WWOX: variants seen among roughly 807,000 people sequenced by gnomAD.
WWOX encodes the protein WW domain containing oxidoreductase.
In WWOX, 69 loss-of-function variants were observed where a neutral mutation model predicts 46.2. The ratio of observed to expected loss-of-function variants is 1.49; its 90% confidence interval spans 1.23 to 1.82. The LOEUF (loss-of-function observed/expected upper bound fraction) is 1.82, where lower values mean the gene tolerates loss of function less well. Among genes scored for constraint, WWOX ranks in the 40% most tolerant of loss-of-function variants. The pLI, the probability that WWOX is intolerant of heterozygous loss-of-function variation, is 0.00. For missense variants in WWOX, 919 were observed against 542.6 expected (o/e 1.69, Z -6.89); for synonymous variants, 359 against 202.6 (o/e 1.77, Z -6.56).
At chr16:78,610,227 C>T (rs2045868108) in intron 8 of WWOX, among the ~76,000 whole-genome samples, 1 of 152,100 alleles carries the variant, frequency 6.6e-6, no homozygotes, top group African/African-American at 2.4e-5. Flanking sequence ...GATAAAGATC[C>T]CTTTTACCCT....
chr16:78,601,349 C>A (rs1035071713), intron 8 of WWOX, among the ~76,000 whole-genome samples: 4 of 151,726 alleles, frequency 2.6e-5, no homozygotes, highest in African/African-American at 7.3e-5. Flanking sequence ...GACACTCAGG[C>A]TTAGCTCTAG....
chr16:78,739,653 A>G (rs977823241), intron 8 of WWOX, among the ~76,000 whole-genome samples: 1 of 152,070 alleles, frequency 6.6e-6, no homozygotes, highest in Non-Finnish European at 1.5e-5. Flanking sequence ...TCTACTGAAA[A>G]CACAAAAATT....
chr16:78,715,723 C>T (rs1272230336), intron 8 of WWOX, among the ~76,000 whole-genome samples: 1 of 152,158 alleles, frequency 6.6e-6, no homozygotes, highest in Non-Finnish European at 1.5e-5. Context: ...GTGGTCTATC[C>T]ACCTTGGCCT....
chr16:78,139,443 A>G (rs1010963096), intron 4 of WWOX, among the ~76,000 whole-genome samples: 3 of 152,224 alleles, frequency 2.0e-5, no homozygotes, highest in African/African-American at 7.2e-5. Flanking sequence ...CAAGGGTTCA[A>G]GACCAGCCTG....
intron 6 of WWOX, among the ~76,000 whole-genome samples, chr16:78,392,394 C>G (rs1180354488): frequency 2.0e-5 from 3 of 152,034 alleles, no homozygotes; most frequent in Admixed American, 1.3e-4. Context: ...AAAACAAGCT[C>G]AGGGCTCCCA....
intron 8 of WWOX, among the ~76,000 whole-genome samples, chr16:78,747,937 A>G (rs2049386559): frequency 6.6e-6 from 1 of 152,176 alleles, no homozygotes; most frequent in African/African-American, 2.4e-5. Flanking sequence ...TAGACTCAGC[A>G]TCCTGCAGCC....
chr16:78,895,114 A>G (rs1015720797), intron 8 of WWOX, among the ~76,000 whole-genome samples: 1 of 152,302 alleles, frequency 6.6e-6, no homozygotes, highest in South Asian at 2.1e-4. Flanking sequence ...GAGGGCAGTT[A>G]TTAGGCATAT....
rs565234547 is a variant in WWOX at position 78,484,332 on chromosome 16, A to AT, written c.1056+51589dup. ...TCATCTAAGACCCTTTTGTTCACAG[A>AT]TTTTTTTTTCCAAGTATACCTATTC... is the stretch of plus-strand genomic sequence containing the variant. On this transcript the variant is annotated intron_variant, in intron 8 of 8. Transcript: ENST00000566780. Among the ~76,000 whole-genome samples the AT allele has an allele frequency of 3.5e-3, 526 of 151,768 alleles. 3 individuals are homozygous for AT. The highest frequency in any genetic ancestry group is 5.6e-3 in the Non-Finnish European group (380 of 67,878).
At chr16:78,217,365 C>A (rs1291841198) in intron 5 of WWOX, among the ~76,000 whole-genome samples, 2 of 152,188 alleles carry the variant, frequency 1.3e-5, no homozygotes, top group East Asian at 3.9e-4. Context: ...TATATAGGTA[C>A]AACTCTGGTG....
chr16:78,554,460 T>C (rs16948075), intron 8 of WWOX, among the ~76,000 whole-genome samples: 2 of 152,310 alleles, frequency 1.3e-5, no homozygotes, highest in African/African-American at 4.8e-5. Flanking sequence ...AAAACAGTTC[T>C]GGCTGATGGG....
chr16:78,115,386 G>A (rs1365235436), intron 4 of WWOX, among the ~76,000 whole-genome samples: 1 of 152,174 alleles, frequency 6.6e-6, no homozygotes, highest in Admixed American at 6.5e-5. Flanking sequence ...GCAAAAGACT[G>A]TGGCTATTTT....
intron 4 of WWOX, among the ~76,000 whole-genome samples, chr16:78,154,093 G>C (rs573975136): frequency 6.6e-6 from 1 of 152,158 alleles, no homozygotes; most frequent in East Asian, 1.9e-4. Flanking sequence ...TGTGTTCCCT[G>C]TCTGGGTAAA....
At chr16:78,686,369 G>T (rs1451702819) in intron 8 of WWOX, among the ~76,000 whole-genome samples, 1 of 152,154 alleles carries the variant, frequency 6.6e-6, no homozygotes, top group East Asian at 1.9e-4. Context: ...AAATTAGCCA[G>T]GCGTGGTGGC....
At chr16:78,218,679 T>C (rs1271763850) in intron 5 of WWOX, among the ~76,000 whole-genome samples, 2 of 152,218 alleles carry the variant, frequency 1.3e-5, no homozygotes, top group Non-Finnish European at 2.9e-5. Context: ...GTGGTCTCCA[T>C]TCTAGAAAGC....
chr16:79,072,175 A>G (rs1324597756), intron 8 of WWOX, among the ~76,000 whole-genome samples: 1 of 151,944 alleles, frequency 6.6e-6, no homozygotes, highest in African/African-American at 2.4e-5. Context: ...AGTCCTAGCT[A>G]CTCAGGAAGC....
intron 8 of WWOX, among the ~76,000 whole-genome samples, chr16:78,761,387 A>C (rs931211009): frequency 6.6e-6 from 1 of 152,162 alleles, no homozygotes; most frequent in Non-Finnish European, 1.5e-5. Flanking sequence ...TTTAGCATTT[A>C]CATTTTAATT....
intron 4 of WWOX, among the ~76,000 whole-genome samples, chr16:78,159,428 C>G (rs1466579310): frequency 6.6e-6 from 1 of 152,114 alleles, no homozygotes; most frequent in Non-Finnish European, 1.5e-5. Flanking sequence ...TTACATTCCA[C>G]TAAGGAATGT....
intron 5 of WWOX, chr16:78,167,108 A>T (rs181505857): frequency 6.6e-6 from 1 of 152,354 alleles, no homozygotes; most frequent in African/African-American, 2.4e-5. Flanking sequence ...CTGTAGCACA[A>T]CTGTTTTTGC....
intron 5 of WWOX, among the ~76,000 whole-genome samples, chr16:78,165,792 T>G (rs1211479956): frequency 6.6e-6 from 1 of 152,256 alleles, no homozygotes; most frequent in Non-Finnish European, 1.5e-5. Flanking sequence ...TTTTTCAGTG[T>G]ATTTATGATG....
Sources: gnomAD v4.1 joint callset for allele counts (sites outside exome capture counted in the v4.1 genomes callset) on GRCh38, gnomAD v4.1.1 for gene constraint, MANE v1.5 for transcripts, NCBI Gene and HGNC (gene_info 2026-07-23, HGNC 2026-07-21) for gene names.